The following BBS9 variants were observed in gnomAD, a reference collection of about 807,000 sequenced individuals.
BBS9 encodes the protein Bardet-Biedl syndrome 9.
A neutral mutation model predicts 117.7 loss-of-function variants in BBS9; 89 were observed. The ratio of observed to expected loss-of-function variants is 0.76; its 90% CI spans 0.64 to 0.90. BBS9 has a LOEUF of 0.90. BBS9 is among the 40% of genes least tolerant of loss of function. BBS9 has a pLI of 0.00. For synonymous variants in BBS9, 379 were observed against 370.9 expected (o/e 1.02, Z -0.25); for missense variants, 982 against 1,042.2 (o/e 0.94, Z 0.80).
At chr7:33,544,787 A>G (rs1320775065) in intron 21 of BBS9, among the ~76,000 whole-genome samples, 6 of 152,124 alleles carry the variant, frequency 3.9e-5, no homozygotes, top group Admixed American at 3.3e-4. Flanking sequence ...TTCCACTACC[A>G]GGGTGGATAG....
intron 5 of BBS9, among the ~76,000 whole-genome samples, chr7:33,198,935 T>A (rs1785380639): frequency 6.6e-6 from 1 of 152,026 alleles, no homozygotes; most frequent in South Asian, 2.1e-4. Context: ...ACTATTAATA[T>A]GTCTACTGTT....
intron 21 of BBS9, among the ~76,000 whole-genome samples, chr7:33,603,955 T>C (rs1344695261): frequency 6.6e-6 from 1 of 152,172 alleles, no homozygotes; most frequent in Non-Finnish European, 1.5e-5. Context: ...GCTGATACCC[T>C]CTCTTTCCTC....
intron 19 of BBS9, among the ~76,000 whole-genome samples, chr7:33,439,775 C>T (rs1835881375): frequency 6.6e-6 from 1 of 152,194 alleles, no homozygotes; most frequent in Non-Finnish European, 1.5e-5. Context: ...GGTCCACCTG[C>T]TTCGGCCTCC....
chr7:33,219,150 C>T (rs1789678420), intron 5 of BBS9, among the ~76,000 whole-genome samples: 1 of 152,208 alleles, frequency 6.6e-6, no homozygotes, highest in Non-Finnish European at 1.5e-5. Flanking sequence ...ACTGGGTCCC[C>T]CAGCAGTGCC....
intron 19 of BBS9, among the ~76,000 whole-genome samples, chr7:33,443,705 G>C (rs913703926): frequency 1.3e-5 from 2 of 152,146 alleles, no homozygotes; most frequent in Admixed American, 6.5e-5. Flanking sequence ...GCATTCTCTT[G>C]TAGTCTTAGC....
chr7:33,138,270 G>A (rs1790866890), intron 1 of BBS9, among the ~76,000 whole-genome samples: 1 of 146,114 alleles, frequency 6.8e-6, no homozygotes, highest in South Asian at 2.2e-4. Flanking sequence ...CTTTCCAGCT[G>A]TTTTAGGTCT....
In BBS9 at chr7:33,281,041, T is replaced by G. The variant is rs545391709; in HGVS notation, c.1016+7085T>G. Among the ~76,000 whole-genome samples, 42 of 151,876 alleles carry G rather than the reference T, an allele frequency of 2.8e-4. 1 individual carries two copies. The South Asian group carries it at 8.3e-3, about 30-fold the overall frequency. ...GAAAATTCATAAATATTTCTGGAAT[T>G]TATGTAAGGTATAAATTCTGATATT... On this transcript the variant is annotated intron_variant, in intron 9 of 22. Coordinates refer to ENST00000242067, the MANE Select transcript of BBS9 (RefSeq NM_198428.3).
intron 4 of BBS9, among the ~76,000 whole-genome samples, chr7:33,167,467 A>G (rs1444434278): frequency 6.6e-6 from 1 of 150,862 alleles, no homozygotes; most frequent in Non-Finnish European, 1.5e-5. Context: ...CAGTGGTACA[A>G]TCTCAGCTCA....
intron 19 of BBS9, among the ~76,000 whole-genome samples, chr7:33,404,962 T>C (rs1001848232): frequency 6.6e-6 from 1 of 152,192 alleles, no homozygotes; most frequent in Admixed American, 6.5e-5. Context: ...GCCCATTCAG[T>C]ATGATATTGG....
chr7:33,182,548 G>A (rs1562752833), intron 5 of BBS9, among the ~76,000 whole-genome samples: 1 of 152,142 alleles, frequency 6.6e-6, no homozygotes, highest in Admixed American at 6.5e-5. Flanking sequence ...TTTAGACCAA[G>A]TGTCTTTATT....
intron 5 of BBS9, among the ~76,000 whole-genome samples, chr7:33,237,600 T>C (rs918903401): frequency 6.6e-6 from 1 of 152,110 alleles, no homozygotes; most frequent in Non-Finnish European, 1.5e-5. Context: ...TTCTAGAAAG[T>C]TTGCAGAGAG....
At chr7:33,408,576 C>T (rs1021987112) in intron 19 of BBS9, among the ~76,000 whole-genome samples, 8 of 152,214 alleles carry the variant, frequency 5.3e-5, no homozygotes, top group African/African-American at 1.7e-4. Context: ...ATTCGGCCAT[C>T]TTGGCTCCTC....
At chr7:33,348,764 C>T (rs556074106) in intron 12 of BBS9, among the ~76,000 whole-genome samples, 15 of 152,198 alleles carry the variant, frequency 9.9e-5, no homozygotes, top group South Asian at 4.1e-4. Flanking sequence ...TTATTGGGTA[C>T]GTAGTAGTAT....
chr7:33,238,015 A>G (rs186042392), intron 5 of BBS9, among the ~76,000 whole-genome samples: 7 of 152,282 alleles, frequency 4.6e-5, no homozygotes, highest in Admixed American at 4.6e-4. Flanking sequence ...TATACAGTGG[A>G]CATTGTTTGC....
intron 9 of BBS9, among the ~76,000 whole-genome samples, chr7:33,313,004 A>T (rs1299807548): frequency 6.6e-6 from 1 of 151,560 alleles, no homozygotes; most frequent in Admixed American, 6.6e-5. Context: ...GGCCTTAGTA[A>T]AATACTTTTC....
chr7:33,385,724 G>A (rs1162049741), intron 18 of BBS9, among the ~76,000 whole-genome samples: 3 of 151,728 alleles, frequency 2.0e-5, no homozygotes, highest in Non-Finnish European at 4.4e-5. Flanking sequence ...TTAGGTTAAT[G>A]TCCTTTTAAA....
At chr7:33,371,128 A>G (rs914775049) in intron 17 of BBS9, among the ~76,000 whole-genome samples, 1 of 152,196 alleles carries the variant, frequency 6.6e-6, no homozygotes, top group Non-Finnish European at 1.5e-5. Context: ...CACACCCTTT[A>G]CTGATGCTGA....
Position 33,545,164 on chromosome 7 carries a change from T to C in BBS9, c.2521+10988T>C, listed in dbSNP as rs556823306. ...AGGGCTTTAGTTCTTCCTCTGCCTG[T>C]AGAGTCTGCATGCCCGATTTGTGCC... On this transcript the variant is annotated intron_variant, in intron 21 of 22. Transcript: ENST00000242067. 2.6e-5 allele frequency among the ~76,000 whole-genome samples: 4 copies of C among 152,330 alleles called. No homozygotes were observed. The East Asian group carries it at 7.7e-4, about 29-fold the overall frequency.
intron 19 of BBS9, among the ~76,000 whole-genome samples, chr7:33,392,670 A>G (rs1043858988): frequency 1.3e-5 from 2 of 152,110 alleles, no homozygotes; most frequent in African/African-American, 4.8e-5. Flanking sequence ...ACTATTTTAA[A>G]CGAACAGTTC....
Sources: gnomAD v4.1 joint callset for allele counts (sites outside exome capture counted in the v4.1 genomes callset) on GRCh38, gnomAD v4.1.1 for gene constraint, MANE v1.5 for transcripts, NCBI Gene and HGNC (gene_info 2026-07-23, HGNC 2026-07-21) for gene names.